The following GPT2 variants were observed in gnomAD, a reference collection of about 807,000 sequenced individuals.
GPT2 encodes the protein glutamic--pyruvic transaminase 2.
In GPT2, 30 loss-of-function variants were observed where a neutral mutation model predicts 56.9. The ratio of observed to expected loss-of-function variants is 0.53; its 90% CI spans 0.39 to 0.72. The LOEUF (loss-of-function observed/expected upper bound fraction) is 0.72, where lower values mean the gene tolerates loss of function less well. GPT2 is among the 30% of genes least tolerant of loss of function. The pLI, the probability that GPT2 is intolerant of heterozygous loss-of-function variation, is 0.00. For synonymous variants in GPT2, 271 were observed against 283.1 expected (o/e 0.96, Z 0.43); for missense variants, 542 against 703.4 (o/e 0.77, Z 2.60).
At chr16:46,925,619 C>G (rs1461842449) in intron 10 of GPT2, among the ~76,000 whole-genome samples, 1 of 151,912 alleles carries the variant, frequency 6.6e-6, no homozygotes, top group Non-Finnish European at 1.5e-5. Context: ...TCATTTGAGC[C>G]CAGGAGTTCG....
intron 10 of GPT2, among the ~76,000 whole-genome samples, chr16:46,926,116 G>C (rs1286129079): frequency 8.1e-6 from 1 of 123,550 alleles, no homozygotes; most frequent in East Asian, 2.4e-4. Context: ...GGGCGACAGA[G>C]TGAGACTCTG....
At chr16:46,891,640 C>T (rs141162057) in intron 2 of GPT2, among the ~76,000 whole-genome samples, 14 of 152,162 alleles carry the variant, frequency 9.2e-5, no homozygotes, top group Middle Eastern at 6.8e-3. Flanking sequence ...TGAGCCACCG[C>T]GCCCGGGCAG....
At chr16:46,898,786 A>G (rs950884281) in intron 3 of GPT2, among the ~76,000 whole-genome samples, 22 of 150,348 alleles carry the variant, frequency 1.5e-4, no homozygotes, top group Non-Finnish European at 3.0e-4. Context: ...CTAACTTCAA[A>G]TGATCCGCCT....
At chr16:46,913,894 T>C (rs554853514) in intron 6 of GPT2, among the ~76,000 whole-genome samples, 2 of 152,240 alleles carry the variant, frequency 1.3e-5, no homozygotes, top group Admixed American at 6.5e-5. Context: ...GCTAGGATCA[T>C]GTAACTGCAC....
rs200296266 is a variant in GPT2, at chr16:46,909,796, A to G, written c.689A>G (p.Gln230Arg). The change falls in exon 6 of 12, where the codon CAG becomes CGG. Residue 230 changes from glutamine (Q) to arginine (R), a missense_variant. Coordinates refer to ENST00000340124, the MANE Select transcript of GPT2 (RefSeq NM_133443.4). ...SAVISELDAI[Q>R]VNYYLDEENC... ...GTCATCTCTGAGCTCGACGCCATCCAGGTGAATTACTACCTGGACGAGGAG... is the reference window on the plus strand; with the variant it reads ...GTCATCTCTGAGCTCGACGCCATCCGGGTGAATTACTACCTGGACGAGGAG... 25 of 1,614,050 alleles carry G rather than the reference A, an allele frequency of 1.5e-5. No homozygotes were observed. The highest frequency in any genetic ancestry group is 1.9e-5 in the Non-Finnish European group (23 of 1,180,042).
In GPT2 at chr16:46,911,512, A is replaced by G. The variant is rs563545977; in HGVS notation, c.820+1585A>G. 1.4e-4 allele frequency among the ~76,000 whole-genome samples: 21 copies of G among 152,334 alleles called. No individual in the cohort carries two copies. The East Asian group carries it at 3.9e-3, about 28-fold the overall frequency. ...GTGTGGGGGATAAAGATTCAGTAGGAAAATAACATAGAGCTGGCTTCTCAA... is the reference window on the plus strand; with the variant it reads ...GTGTGGGGGATAAAGATTCAGTAGGGAAATAACATAGAGCTGGCTTCTCAA... On this transcript the variant is annotated intron_variant, in intron 6 of 11. Transcript: ENST00000340124.
At chr16:46,903,741 T>G (rs1407512861) in intron 4 of GPT2, among the ~76,000 whole-genome samples, 1 of 152,128 alleles carries the variant, frequency 6.6e-6, no homozygotes, top group Non-Finnish European at 1.5e-5. Flanking sequence ...CCTCCCTGAG[T>G]ACATACCAGG....
At chr16:46,898,970 A>ACG (rs1304217862) in intron 3 of GPT2, among the ~76,000 whole-genome samples, 1 of 9,712 alleles carries the variant, frequency 1.0e-4, no homozygotes, top group Non-Finnish European at 2.7e-4. Flanking sequence ...ATATATACAC[A>ACG]CACACATATA....
At chr16:46,921,364 G>C (rs150466269) in intron 8 of GPT2, among the ~76,000 whole-genome samples, 1 of 152,066 alleles carries the variant, frequency 6.6e-6, no homozygotes, top group East Asian at 1.9e-4. Flanking sequence ...AGTAGAGACG[G>C]GTTTCACCAT....
intron 2 of GPT2, 23 bp downstream of exon 2, chr16:46,884,981 G>A (rs1035834791): frequency 2.1e-6 from 3 of 1,460,580 alleles, no homozygotes; most frequent in African/African-American, 1.5e-5. Context: ...TGGGCCCCGG[G>A]GAGGCTGGGG....
In GPT2 at chr16:46,907,171, G is replaced by A. The variant is rs527702037; in HGVS notation, c.576+196G>A. ...TGAGCCTAGACACTACTGCAGCCTC[G>A]ATTTCTGTCCGGAGTGCACACCAGC... On this transcript the variant is annotated intron_variant, in intron 5 of 11. Transcript: ENST00000340124. Among the ~76,000 whole-genome samples the A allele has an allele frequency of 9.8e-5, 15 of 152,296 alleles. No individual in the cohort carries two copies. The South Asian group carries it at 2.3e-3, about 23-fold the overall frequency.
At chr16:46,908,136 G>T (rs1259522260) in intron 5 of GPT2, among the ~76,000 whole-genome samples, 1 of 151,748 alleles carries the variant, frequency 6.6e-6, no homozygotes, top group African/African-American at 2.4e-5. Flanking sequence ...CTGCAGTCCT[G>T]GGCTTGGGAG....
chr16:46,927,306 CT>C (rs1487568290), intron 11 of GPT2, among the ~76,000 whole-genome samples: 1 of 152,228 alleles, frequency 6.6e-6, no homozygotes, highest in Non-Finnish European at 1.5e-5. Flanking sequence ...GGTCCCATCG[CT>C]GTCTGAAATG....
intron 6 of GPT2, chr16:46,916,328 A>C: frequency 4.7e-6 from 1 of 210,608 alleles, no homozygotes; most frequent in Non-Finnish European, 9.8e-6. Context: ...CCTGGGTGAC[A>C]GAGCGAGACT....
chr16:46,907,977 GGCT>G (rs1960968749), intron 5 of GPT2, among the ~76,000 whole-genome samples: 1 of 149,722 alleles, frequency 6.7e-6, no homozygotes. Context: ...TGCAGTCCTG[GGCT>G]TGGGGGACTG....
In GPT2 at chr16:46,897,689, C is replaced by G; in HGVS notation, c.285C>G (p.Ile95Met). The G allele has an allele frequency of 6.2e-7, 1 of 1,614,160 alleles. No homozygotes were observed. The highest frequency in any genetic ancestry group is 8.5e-7 in the Non-Finnish European group (1 of 1,179,978). Reference protein sequence around the residue: ...KPFTEVIRANIGDAQAMGQQP... With the variant: ...KPFTEVIRANMGDAQAMGQQP... ...TCACAGAGGTCATCCGAGCCAACAT[C>G]GGGGACGCCCAGGCTATGGGGCAGC... Residue 95 changes from isoleucine to methionine, a missense_variant, in exon 3 of 12, where the codon ATC (isoleucine) becomes ATG (methionine). Coordinates refer to ENST00000340124, the MANE Select transcript of GPT2 (RefSeq NM_133443.4).
intron 11 of GPT2, among the ~76,000 whole-genome samples, chr16:46,928,550 G>A (rs1380118166): frequency 6.6e-6 from 1 of 151,706 alleles, no homozygotes; most frequent in Admixed American, 6.6e-5. Flanking sequence ...TTGAACCTGG[G>A]AGGTGGAGGT....
At chr16:46,894,600 C>T (rs1199035729) in intron 2 of GPT2, among the ~76,000 whole-genome samples, 2 of 152,124 alleles carry the variant, frequency 1.3e-5, no homozygotes, top group African/African-American at 2.4e-5. Context: ...GTGCCTGTAC[C>T]CCCATGCAGT....
At chr16:46,893,685 C>A (rs1447495791) in intron 2 of GPT2, among the ~76,000 whole-genome samples, 3 of 152,208 alleles carry the variant, frequency 2.0e-5, no homozygotes, top group Non-Finnish European at 4.4e-5. Context: ...GTGCCCTCCC[C>A]TGATCCCTGC....
Sources: allele counts gnomAD v4.1 joint callset (sites outside exome capture counted in the v4.1 genomes callset), GRCh38; gene constraint gnomAD v4.1.1; transcripts MANE v1.5; gene names NCBI Gene and HGNC (gene_info 2026-07-23, HGNC 2026-07-21).